FSTL5: variants seen among roughly 807,000 people sequenced by gnomAD.
The protein encoded by FSTL5 is follistatin-related protein 5.
A neutral mutation model predicts 89.1 loss-of-function variants in FSTL5; 62 were observed. The observed-to-expected ratio is 0.70, with a 90% CI of 0.57 to 0.86. The LOEUF (loss-of-function observed/expected upper bound fraction) is 0.86. Among genes scored for constraint, FSTL5 ranks in the 40% least tolerant of loss-of-function variants. The probability of loss-of-function intolerance (pLI) is 0.00; values close to 1 mark genes in which losing one functional copy is unlikely to be tolerated. For missense variants in FSTL5, 1,057 were observed against 1,001.6 expected, an observed-to-expected ratio of 1.06 and a Z score of -0.75; for synonymous variants, 383 against 346.2, an observed-to-expected ratio of 1.11 and a Z score of -1.18.
At chr4:161,461,137 C>T (rs1312073234) in intron 13 of FSTL5, among the ~76,000 whole-genome samples, 3 of 151,710 alleles carry the variant, frequency 2.0e-5, no homozygotes, top group African/African-American at 4.8e-5. Context: ...TTTCCAAAGT[C>T]ATTTTGAGGC....
chr4:162,049,632 G>A (rs1334820041), intron 2 of FSTL5, among the ~76,000 whole-genome samples: 2 of 152,030 alleles, frequency 1.3e-5, no homozygotes, highest in East Asian at 3.9e-4. Flanking sequence ...GATTAACAAG[G>A]AACACTGGTT....
intron 6 of FSTL5, among the ~76,000 whole-genome samples, chr4:161,677,627 C>G (rs1050252980): frequency 2.0e-5 from 3 of 151,980 alleles, no homozygotes; most frequent in African/African-American, 7.2e-5. Context: ...CATGTTGCTT[C>G]TGTGTGAGAA....
At chr4:161,850,626 G>T (rs967333433) in intron 4 of FSTL5, among the ~76,000 whole-genome samples, 4 of 152,096 alleles carry the variant, frequency 2.6e-5, no homozygotes, top group Non-Finnish European at 4.4e-5. Flanking sequence ...TAACAAAAAG[G>T]AATTGTTGTC....
At chr4:161,566,135 T>TATATATATACAC (rs1267325201) in intron 8 of FSTL5, among the ~76,000 whole-genome samples, 1 of 55,154 alleles carries the variant, frequency 1.8e-5, no homozygotes, top group African/African-American at 7.5e-5. Flanking sequence ...TATATATATA[T>TATATATATACAC]ACACACACAC....
intron 2 of FSTL5, among the ~76,000 whole-genome samples, chr4:162,041,030 G>A (rs1449353614): frequency 6.6e-6 from 1 of 151,878 alleles, no homozygotes; most frequent in Admixed American, 6.6e-5. Flanking sequence ...TGGAGGGATA[G>A]GCAGAGACAC....
At chr4:161,622,949 T>C (rs1424817537) in intron 7 of FSTL5, among the ~76,000 whole-genome samples, 3 of 152,136 alleles carry the variant, frequency 2.0e-5, no homozygotes, top group East Asian at 3.9e-4. Context: ...ACGTGAGGCT[T>C]TCTTATTTTT....
At chr4:161,603,765 A>T (rs2126627887) in intron 7 of FSTL5, among the ~76,000 whole-genome samples, 1 of 152,298 alleles carries the variant, frequency 6.6e-6, no homozygotes, top group South Asian at 2.1e-4. Flanking sequence ...CGTCTCCGAG[A>T]CAATAACCAA....
intron 2 of FSTL5, among the ~76,000 whole-genome samples, chr4:162,087,388 T>C (rs1256304364): frequency 6.6e-6 from 1 of 152,106 alleles, no homozygotes; most frequent in East Asian, 1.9e-4. Context: ...AAGTGTTATA[T>C]AAATATTCTC....
At chr4:162,067,318 G>C (rs1738953420) in intron 2 of FSTL5, among the ~76,000 whole-genome samples, 1 of 152,042 alleles carries the variant, frequency 6.6e-6, no homozygotes, top group Non-Finnish European at 1.5e-5. Flanking sequence ...CTCCCAAAGT[G>C]CTGAGATTAC....
chr4:161,403,152 C>T (rs1731240317), intron 15 of FSTL5, among the ~76,000 whole-genome samples: 1 of 152,116 alleles, frequency 6.6e-6, no homozygotes, highest in Non-Finnish European at 1.5e-5. Flanking sequence ...ATAATCATTA[C>T]TAACAGTCAA....
At chr4:161,746,144 T>G (rs546391881) in intron 6 of FSTL5, among the ~76,000 whole-genome samples, 1 of 152,066 alleles carries the variant, frequency 6.6e-6, no homozygotes, top group Non-Finnish European at 1.5e-5. Flanking sequence ...TAGTGTGATT[T>G]TTTTTTTTAA....
chr4:161,722,632 C>G (rs1160260227), intron 6 of FSTL5, among the ~76,000 whole-genome samples: 1 of 152,150 alleles, frequency 6.6e-6, no homozygotes, highest in African/African-American at 2.4e-5. Context: ...ATATGCAGAA[C>G]TAACCCTGTG....
intron 2 of FSTL5, among the ~76,000 whole-genome samples, chr4:162,059,320 C>G (rs1738649084): frequency 6.6e-6 from 1 of 152,002 alleles, no homozygotes; most frequent in Non-Finnish European, 1.5e-5. Flanking sequence ...AAATATTAGC[C>G]ATAGGACATC....
At chr4:161,417,841 C>A (rs1263741142) in intron 15 of FSTL5, among the ~76,000 whole-genome samples, 1 of 152,130 alleles carries the variant, frequency 6.6e-6, no homozygotes, top group Admixed American at 6.6e-5. Context: ...TACTTTGGCA[C>A]CATGTACTTG....
chr4:161,915,462 T>C (rs1560914224), intron 4 of FSTL5, among the ~76,000 whole-genome samples: 1 of 152,062 alleles, frequency 6.6e-6, no homozygotes, highest in African/African-American at 2.4e-5. Flanking sequence ...CTTTTTAGAT[T>C]TTATTATATT....
At chr4:161,472,725 T>C (rs1048173760) in intron 13 of FSTL5, among the ~76,000 whole-genome samples, 5 of 103,662 alleles carry the variant, frequency 4.8e-5, no homozygotes, top group Non-Finnish European at 9.7e-5. Flanking sequence ...TTTTATTATA[T>C]GTAACTTTTT....
intron 1 of FSTL5, among the ~76,000 whole-genome samples, chr4:162,130,457 T>A (rs2111456444): frequency 6.6e-6 from 1 of 152,304 alleles, no homozygotes; most frequent in South Asian, 2.1e-4. Flanking sequence ...AAAAGCTTAT[T>A]ATCCTTACAA....
At chr4:162,117,278 T>C (rs1422331601) in intron 1 of FSTL5, among the ~76,000 whole-genome samples, 1 of 152,198 alleles carries the variant, frequency 6.6e-6, no homozygotes, top group Non-Finnish European at 1.5e-5. Context: ...CAATATAGTG[T>C]AGCACCTGTA....
chr4:161,895,416 C>T (rs1733125211), intron 4 of FSTL5, among the ~76,000 whole-genome samples: 1 of 152,116 alleles, frequency 6.6e-6, no homozygotes. Flanking sequence ...CATTGCAAGA[C>T]TTGCCTCGCT....
Sources: gnomAD v4.1 joint callset for allele counts (sites outside exome capture counted in the v4.1 genomes callset) on GRCh38, gnomAD v4.1.1 for gene constraint, MANE v1.5 for transcripts, NCBI Gene and HGNC (gene_info 2026-07-23, HGNC 2026-07-21) for gene names.